GALNS: variants seen among roughly 807,000 people sequenced by gnomAD.
The protein encoded by GALNS is N-acetylgalactosamine-6-sulfatase.
A neutral mutation model predicts 65.9 loss-of-function variants in GALNS; 65 were observed. The observed-to-expected ratio is 0.99, with a 90% CI of 0.81 to 1.21. The LOEUF (loss-of-function observed/expected upper bound fraction) is 1.21, where lower values mean the gene tolerates loss of function less well. GALNS is among the 50% of genes most tolerant of loss of function. The pLI is 0.00. For synonymous variants in GALNS, 346 were observed against 288.9 expected, an observed-to-expected ratio of 1.20 and a Z score of -2.00; for missense variants, 776 against 700.7, an observed-to-expected ratio of 1.11 and a Z score of -1.21.
chr16:88,827,279 G>A (rs912124799), intron 9 of GALNS, among the ~76,000 whole-genome samples: 4 of 152,178 alleles, frequency 2.6e-5, no homozygotes, highest in Non-Finnish European at 5.9e-5. Context: ...GAGCAGCTCC[G>A]AGTGGCTGGG....
chr16:88,833,077 CAAAAAA>C (rs869226834), intron 8 of GALNS, among the ~76,000 whole-genome samples: 3 of 74,656 alleles, frequency 4.0e-5, no homozygotes, highest in Admixed American at 3.0e-4. Flanking sequence ...GACTCCTTCT[CAAAAAA>C]AAAAAAAAAA....
chr16:88,822,282 G>T (rs1186171520), intron 12 of GALNS, among the ~76,000 whole-genome samples: 1 of 152,194 alleles, frequency 6.6e-6, no homozygotes, highest in African/African-American at 2.4e-5. Context: ...TTGCCCCAGG[G>T]CCTGGACCCC....
At chr16:88,840,955 A>G (rs1422125620) in intron 4 of GALNS, 37 bp downstream of exon 4, 3 of 1,506,404 alleles carry the variant, frequency 2.0e-6, no homozygotes, top group Non-Finnish European at 2.8e-6. Flanking sequence ...AAGTGGATGG[A>G]GCAGGACGCC....
chr16:88,836,318 C>G (rs747312335), intron 5 of GALNS, 51 bp from the exon 6 acceptor site: 2 of 1,434,128 alleles, frequency 1.4e-6, no homozygotes, highest in East Asian at 4.6e-5. Context: ...CCAAGAAAGT[C>G]CCGTTCTCCC....
chr16:88,854,682 C>T (rs1161838294), intron 1 of GALNS, among the ~76,000 whole-genome samples: 2 of 152,200 alleles, frequency 1.3e-5, no homozygotes, highest in East Asian at 3.8e-4. Flanking sequence ...CTTGGAGTCA[C>T]CTAGGACCAT....
chr16:88,822,123 G>A (rs1484039582), intron 12 of GALNS, among the ~76,000 whole-genome samples: 1 of 152,206 alleles, frequency 6.6e-6, no homozygotes, highest in Non-Finnish European at 1.5e-5. Context: ...GGTAAGGGGA[G>A]GGCTTCCCTG....
chr16:88,837,688 A>C lies in GALNS; in HGVS notation c.500T>G (p.Phe167Cys). The change falls in exon 5 of 14, where the codon TTT becomes TGT. Residue 167 changes from phenylalanine (F) to cysteine (C), a missense_variant. Physicochemically the swap from Phe to Cys is radical, Grantham distance 205. Coordinates refer to ENST00000268695, the MANE Select transcript of GALNS (RefSeq NM_000512.5). ...CCTGGCCTTGTTGTCATAAGGTCCA[A>C]AGTGGCAGTTGGGGGATCCAAACCA... ...DEWFGSPNCH[F>C]GPYDNKARPN... 6.2e-7 allele frequency: 1 copy of C among 1,614,082 alleles called. No individual in the cohort carries two copies. Among genetic ancestry groups the C allele is most frequent in the Non-Finnish European group, 8.5e-7 (1 of 1,180,004 alleles).
intron 7 of GALNS, 41 bp downstream of exon 7, chr16:88,835,684 G>A: frequency 6.2e-7 from 1 of 1,612,746 alleles, no homozygotes; most frequent in Non-Finnish European, 8.5e-7. Context: ...GCACAGCTGG[G>A]GCCTCCAGCG....
intron 1 of GALNS, among the ~76,000 whole-genome samples, chr16:88,851,413 C>T (rs1382836202): frequency 1.3e-5 from 2 of 152,108 alleles, no homozygotes; most frequent in Non-Finnish European, 1.5e-5. Context: ...TGAATAGGAA[C>T]AGCTCCGGGC....
Position 88,831,934 on chromosome 16 carries a change from A to C in GALNS, c.1002+64T>G, listed in dbSNP as rs1911546626. The C allele has an allele frequency of 2.1e-6, 3 of 1,430,108 alleles. No individual in the cohort carries two copies. The East Asian group carries it at 7.0e-5, about 33-fold the overall frequency. 88.6% of individuals were successfully genotyped at this position (1,430,108 alleles called of 1,614,324 possible). ...GGGGGAGGTGGCCAGTGAGGGGCGC[A>C]CACACCCTGGGATGGCTGCAGGCCT... On this transcript the variant is annotated intron_variant, in intron 9 of 13. Coordinates refer to ENST00000268695, the MANE Select transcript of GALNS (RefSeq NM_000512.5).
intron 9 of GALNS, 100 bp from the exon 10 acceptor site, chr16:88,826,938 G>A (rs1479623524): frequency 7.0e-7 from 1 of 1,421,624 alleles, no homozygotes; most frequent in Admixed American, 2.0e-5. Flanking sequence ...GCCCAGCTGG[G>A]TCTACAGATA....
chr16:88,829,289 T>TG (rs1911247447), intron 9 of GALNS, among the ~76,000 whole-genome samples: 1 of 152,166 alleles, frequency 6.6e-6, no homozygotes, highest in African/African-American at 2.4e-5. Flanking sequence ...CTCAGGGGGA[T>TG]GGCGCTCAGG....
intron 1 of GALNS, chr16:88,843,148 C>T (rs1967066107): frequency 7.0e-7 from 1 of 1,419,600 alleles, no homozygotes; most frequent in Non-Finnish European, 9.3e-7. Flanking sequence ...CTCCTCCCAG[C>T]CTGACACCAG....
rs911122037 is a variant in GALNS at position 88,840,711 on chromosome 16, C to T, written c.422+281G>A. The T allele has an allele frequency of 2.1e-5, 10 of 480,722 alleles. No homozygotes were observed. In the Admixed American group the frequency reaches 3.3e-4, roughly 16 times the overall value. The allele number at this position is 480,722 out of a possible 1,614,324, so 29.8% of individuals were successfully genotyped here. The stretch of plus-strand genomic sequence containing the variant: ...AGCCGGGGGGCAGTGGTGGCGGGTG[C>T]TAGGGGCTGTGACTCGAGGGATGAC... On this transcript the variant is annotated intron_variant, in intron 4 of 13. Coordinates refer to ENST00000268695, the MANE Select transcript of GALNS (RefSeq NM_000512.5).
intron 9 of GALNS, among the ~76,000 whole-genome samples, chr16:88,828,420 T>A (rs1319637911): frequency 6.6e-6 from 1 of 152,182 alleles, no homozygotes; most frequent in Non-Finnish European, 1.5e-5. Context: ...GAAACCGTTA[T>A]CAGCGCTTTC....
rs551644910 is a variant in GALNS, at chr16:88,836,978, G to A, written c.566+644C>T. On this transcript the variant is annotated intron_variant, in intron 5 of 13. Coordinates refer to ENST00000268695, the MANE Select transcript of GALNS (RefSeq NM_000512.5). ...CCACAGAACTGCACACTTCAAATGG[G>A]GGCTGCGTGGTGCGACTCCCACACC... Among the ~76,000 whole-genome samples the A allele has an allele frequency of 2.6e-5, 4 of 152,354 alleles. No homozygotes were observed. In the East Asian group the frequency reaches 7.7e-4, roughly 29 times the overall value.
At position 88,814,276 on chromosome 16, in the gene GALNS, T is replaced by G; in HGVS notation, c.*163A>C. The G allele has an allele frequency of 2.1e-6, 2 of 947,844 alleles. No individual in the cohort carries two copies. The highest frequency in any genetic ancestry group is 1.4e-5 in the South Asian group (1 of 70,878). The allele number at this position is 947,844 out of a possible 1,614,324, so 58.7% of individuals were successfully genotyped here. A position where few individuals can be genotyped will look rare whatever the true frequency, so the allele number is the denominator to read the frequency against. On this transcript the variant is annotated 3_prime_UTR_variant, in exon 14 of 14. Transcript: ENST00000268695. The stretch of plus-strand genomic sequence containing the variant: ...GAGGAGGGCCAAGCACACGCCAGGG[T>G]CAGGTCCTGGGCAGGTGGAATTGTG...
intron 2 of GALNS, 40 bp downstream of exon 2, chr16:88,842,666 G>T (rs749709903): frequency 1.2e-6 from 2 of 1,608,190 alleles, no homozygotes; most frequent in Non-Finnish European, 1.7e-6. Flanking sequence ...CGGCCTGTTG[G>T]GCTCACCCCT....
At chr16:88,816,457 G>A in intron 13 of GALNS, 1 of 985,342 alleles carries the variant, frequency 1.0e-6, no homozygotes, top group African/African-American at 1.7e-5. Context: ...GACGCCAGCT[G>A]CCCAGGTCCC....
Sources: allele counts gnomAD v4.1 joint callset (sites outside exome capture counted in the v4.1 genomes callset), GRCh38; gene constraint gnomAD v4.1.1; transcripts MANE v1.5; gene names NCBI Gene and HGNC (gene_info 2026-07-23, HGNC 2026-07-21).